SDK1: variants seen among roughly 807,000 people sequenced by gnomAD.
The protein encoded by SDK1 is sidekick cell adhesion molecule 1.
In SDK1, 157 loss-of-function variants were observed where a neutral mutation model predicts 245.5. The ratio of observed to expected loss-of-function variants is 0.64; its 90% confidence interval spans 0.56 to 0.73. The LOEUF (loss-of-function observed/expected upper bound fraction) is 0.73, where lower values mean the gene tolerates loss of function less well. Among genes scored for constraint, SDK1 ranks in the 30% least tolerant of loss-of-function variants. The pLI, the probability that SDK1 is intolerant of heterozygous loss-of-function variation, is 0.00. For synonymous variants in SDK1, 1,647 were observed against 1,278.5 expected (o/e 1.29, Z -6.15); for missense variants, 3,583 against 3,002.3 (o/e 1.19, Z -4.52).
intron 25 of SDK1, among the ~76,000 whole-genome samples, chr7:4,122,547 A>G (rs567368273): frequency 3.9e-5 from 6 of 152,338 alleles, no homozygotes; most frequent in Admixed American, 3.9e-4. Flanking sequence ...CCACATTTCA[A>G]TGAAGTTTAC....
In SDK1 at chr7:3,969,277, G is replaced by A; in HGVS notation, c.1567G>A (p.Gly523Ser). The A allele has an allele frequency of 1.9e-6, 3 of 1,603,872 alleles. No individual in the cohort carries two copies. The South Asian group carries it at 3.4e-5, about 18-fold the overall frequency. The stretch of plus-strand genomic sequence containing the variant: ...TTTAGAAAACCACATTCTGGCCAGT[G>A]GCTCTGTCCGGATTCCTAGGTTCAT... ...WKRENHILASGSVRIPRFMLL... is the reference protein window; with the variant it reads ...WKRENHILASSSVRIPRFMLL... The change falls in exon 11 of 45, where the codon GGC (glycine) becomes AGC (serine). Residue 523 changes from glycine to serine, a missense_variant. By Grantham distance (56) the Gly-to-Ser change is moderately conservative. Transcript: ENST00000404826.
chr7:3,930,304 G>A (rs1779929431), intron 5 of SDK1, among the ~76,000 whole-genome samples: 1 of 152,188 alleles, frequency 6.6e-6, no homozygotes, highest in Admixed American at 6.5e-5. Flanking sequence ...TAGACTCCCA[G>A]AGCATGGCCA....
intron 5 of SDK1, among the ~76,000 whole-genome samples, chr7:3,901,665 A>G (rs990475841): frequency 3.9e-5 from 6 of 152,102 alleles, no homozygotes; most frequent in African/African-American, 1.4e-4. Flanking sequence ...ATACCTTGAA[A>G]CTATGGGACT....
intron 5 of SDK1, among the ~76,000 whole-genome samples, chr7:3,826,068 T>A (rs1212721038): frequency 2.0e-5 from 3 of 152,204 alleles, no homozygotes; most frequent in Admixed American, 6.5e-5. Flanking sequence ...TAGCCATGCA[T>A]CGAACCTGCT....
chr7:3,800,370 C>A (rs61637973), intron 4 of SDK1, among the ~76,000 whole-genome samples: 4 of 148,886 alleles, frequency 2.7e-5, no homozygotes, highest in Non-Finnish European at 4.5e-5. Context: ...TACTTACTTA[C>A]TTATTTATTT....
chr7:3,983,581 C>G (rs1028819837), intron 13 of SDK1, among the ~76,000 whole-genome samples: 2 of 152,224 alleles, frequency 1.3e-5, no homozygotes, highest in African/African-American at 4.8e-5. Context: ...TTTATATGCA[C>G]TGGGAAACCA....
At chr7:3,653,429 G>A (rs1466616597) in intron 4 of SDK1, among the ~76,000 whole-genome samples, 2 of 152,120 alleles carry the variant, frequency 1.3e-5, no homozygotes, top group Admixed American at 6.5e-5. Context: ...GAGGATGGGG[G>A]CCAAGATTGC....
chr7:4,203,025 A>C (rs1783978771), intron 35 of SDK1, among the ~76,000 whole-genome samples: 1 of 152,174 alleles, frequency 6.6e-6, no homozygotes, highest in Admixed American at 6.5e-5. Flanking sequence ...CTGGCCACTT[A>C]GGGACGGCGA....
chr7:4,256,645 G>T (rs981921678), intron 44 of SDK1, among the ~76,000 whole-genome samples: 2 of 152,196 alleles, frequency 1.3e-5, no homozygotes, highest in Non-Finnish European at 2.9e-5. Flanking sequence ...CGAAATGTTG[G>T]GAATAAAGAG....
chr7:4,265,018 G>T, intron 44 of SDK1, 106 bp from the exon 45 acceptor site: 2 of 1,492,020 alleles, frequency 1.3e-6, no homozygotes, highest in Non-Finnish European at 1.8e-6. Context: ...TGGAGACCGC[G>T]ACACACGCCC....
intron 5 of SDK1, among the ~76,000 whole-genome samples, chr7:3,851,625 G>A (rs973782436): frequency 6.6e-6 from 1 of 151,094 alleles, no homozygotes; most frequent in African/African-American, 2.5e-5. Context: ...TTTAAGAGGA[G>A]ACTTACTAAG....
At chr7:4,156,202 G>T (rs1458096499) in intron 30 of SDK1, among the ~76,000 whole-genome samples, 2 of 152,146 alleles carry the variant, frequency 1.3e-5, no homozygotes, top group Non-Finnish European at 2.9e-5. Context: ...CTGCCTCCTG[G>T]TACAGGAGCC....
At chr7:3,779,301 A>G (rs566526054) in intron 4 of SDK1, among the ~76,000 whole-genome samples, 1 of 152,220 alleles carries the variant, frequency 6.6e-6, no homozygotes, top group Non-Finnish European at 1.5e-5. Flanking sequence ...ATGGCCTGCA[A>G]TAAATCCCCA....
chr7:3,707,716 G>C (rs1784931737), intron 4 of SDK1, among the ~76,000 whole-genome samples: 1 of 152,130 alleles, frequency 6.6e-6, no homozygotes, highest in Admixed American at 6.5e-5. Flanking sequence ...AATGTTTCAT[G>C]AATCTGTGAG....
intron 5 of SDK1, among the ~76,000 whole-genome samples, chr7:3,846,441 A>G (rs1271944367): frequency 6.6e-6 from 1 of 152,176 alleles, no homozygotes; most frequent in Non-Finnish European, 1.5e-5. Flanking sequence ...ATTTCTGAAA[A>G]GAATATGGCA....
intron 20 of SDK1, among the ~76,000 whole-genome samples, chr7:4,076,428 C>T (rs565431975): frequency 1.2e-4 from 19 of 152,206 alleles, no homozygotes; most frequent in African/African-American, 4.6e-4. Flanking sequence ...TGGTGGTTCA[C>T]GCCTGTGGTC....
chr7:3,400,275 A>G (rs773624038), intron 1 of SDK1, among the ~76,000 whole-genome samples: 61 of 152,284 alleles, frequency 4.0e-4, no homozygotes, highest in Non-Finnish European at 1.8e-4. Flanking sequence ...CTTTCCTAAG[A>G]TAATGCTTTA....
chr7:3,777,837 G>A (rs186533749), intron 4 of SDK1, among the ~76,000 whole-genome samples: 9 of 152,208 alleles, frequency 5.9e-5, no homozygotes, highest in East Asian at 1.9e-4. Flanking sequence ...ACAGAAAGTC[G>A]TCCTTAAAGT....
At position 3,822,545 on chromosome 7, in the gene SDK1, A is replaced by G. The variant is rs545082389; in HGVS notation, c.847+962A>G. On this transcript the variant is annotated intron_variant, in intron 5 of 44. Coordinates refer to ENST00000404826, the MANE Select transcript of SDK1 (RefSeq NM_152744.4). The stretch of plus-strand genomic sequence containing the variant: ...AGCAATTTGGGAGGCCAAGGCAGGC[A>G]TATTACTTGAGGTCAAGAGTTCGAG... Among the ~76,000 whole-genome samples, 3 of 152,202 alleles carry G rather than the reference A, an allele frequency of 2.0e-5. No homozygotes were observed. The East Asian group carries it at 5.8e-4, about 29-fold the overall frequency.
Sources: allele counts gnomAD v4.1 joint callset (sites outside exome capture counted in the v4.1 genomes callset), GRCh38; gene constraint gnomAD v4.1.1; transcripts MANE v1.5; gene names NCBI Gene and HGNC (gene_info 2026-07-23, HGNC 2026-07-21).